The following ZNF155 variants were observed in gnomAD, a reference collection of about 807,000 sequenced individuals.
The protein encoded by ZNF155 is KRAB A domain.
In ZNF155, 15 loss-of-function variants were observed where a neutral mutation model predicts 11.9. The observed-to-expected ratio is 1.26, with a 90% CI of 0.84 to 1.94. The LOEUF (loss-of-function observed/expected upper bound fraction) is 1.94. ZNF155 is among the 30% of genes most tolerant of loss of function. ZNF155 has a pLI of 0.00. For missense variants in ZNF155, 602 were observed against 639.1 expected (o/e 0.94, Z 0.63); for synonymous variants, 212 against 219.9 (o/e 0.96, Z 0.32).
rs762298880 is a variant in ZNF155 at position 43,996,954 on chromosome 19, A to G, written c.1097A>G (p.His366Arg). 22 of 1,610,068 alleles carry G rather than the reference A, an allele frequency of 1.4e-5. No homozygotes were observed. In the South Asian group the frequency reaches 1.9e-4, roughly 14 times the overall value. The stretch of plus-strand genomic sequence containing the variant: ...GATTTTTATAAGCATCAGGTGGTCC[A>G]CACAGGAGAAAAACCATATAATTGT... ...RLDFYKHQVVHTGEKPYNCKE... is the reference protein window; with the variant it reads ...RLDFYKHQVVRTGEKPYNCKE... Residue 366 changes from histidine to arginine, a missense_variant, in exon 5 of 5, where the codon CAC becomes CGC. Transcript: ENST00000270014.
intron 2 of ZNF155, chr19:43,990,062 G>A (rs1040999678): frequency 8.6e-6 from 13 of 1,518,538 alleles, no homozygotes; most frequent in Non-Finnish European, 1.1e-5. Context: ...CCTGCTCTTG[G>A]TCATGATAAA....
Position 43,996,249 on chromosome 19 carries a change from C to G in ZNF155, c.392C>G (p.Pro131Arg). Residue 131 changes from proline to arginine, a missense_variant, in exon 5 of 5, where the codon CCC becomes CGC. Transcript: ENST00000270014. ...NSQFFENGDVPSQVEAGLPTI... is the reference protein window; with the variant it reads ...NSQFFENGDVRSQVEAGLPTI... ...CAGTTCTTTGAAAATGGTGATGTCCCCTCCCAGGTTGAAGCAGGACTACCC... is the reference window on the plus strand; with the variant it reads ...CAGTTCTTTGAAAATGGTGATGTCCGCTCCCAGGTTGAAGCAGGACTACCC... 3.7e-6 allele frequency: 6 copies of G among 1,614,140 alleles called. No homozygotes were observed. The highest frequency in any genetic ancestry group is 5.1e-6 in the Non-Finnish European group (6 of 1,180,010).
Position 43,996,976 on chromosome 19 carries a change from T to A in ZNF155, c.1119T>A (p.Asn373Lys), listed in dbSNP as rs755158813. 6.2e-7 allele frequency: 1 copy of A among 1,614,104 alleles called. No individual in the cohort carries two copies. The highest frequency in any genetic ancestry group is 1.1e-5 in the South Asian group (1 of 91,068). Residue 373 changes from asparagine (N) to lysine (K), a missense_variant, in exon 5 of 5, where the codon AAT (asparagine) becomes AAA (lysine). By Grantham distance (94) the Asn-to-Lys change is moderately conservative (BLOSUM62 0). Coordinates refer to ENST00000270014, the MANE Select transcript of ZNF155 (RefSeq NM_198089.3). ...TCCACACAGGAGAAAAACCATATAA[T>A]TGTAAAGAATGTGGGAAGAGCTTCA... Reference protein sequence around the residue: ...QVVHTGEKPYNCKECGKSFRW... With the variant: ...QVVHTGEKPYKCKECGKSFRW...
chr19:43,993,661 G>T (rs936831178), intron 4 of ZNF155, among the ~76,000 whole-genome samples: 6 of 152,102 alleles, frequency 3.9e-5, no homozygotes, highest in Non-Finnish European at 7.4e-5. Flanking sequence ...TGATCCACCC[G>T]CCTCGGCCTC....
chr19:43,993,586 G>T (rs1022658958), intron 4 of ZNF155, among the ~76,000 whole-genome samples: 16 of 152,046 alleles, frequency 1.1e-4, no homozygotes, highest in African/African-American at 3.9e-4. Flanking sequence ...GCTAATTTTT[G>T]TATTTTTAGT....
intron 2 of ZNF155, among the ~76,000 whole-genome samples, chr19:43,989,754 T>A: frequency 6.6e-6 from 1 of 152,206 alleles, no homozygotes; most frequent in East Asian, 1.9e-4. Flanking sequence ...TTTAAATCCC[T>A]TTTGGCAAAA....
intron 2 of ZNF155, chr19:43,988,806 C>T: frequency 2.6e-6 from 1 of 379,210 alleles, no homozygotes; most frequent in East Asian, 3.8e-5. Context: ...CTCCCACTTC[C>T]TTACCTCCCC....
rs1186770527 is a variant in ZNF155, at chr19:43,997,436, CT to C, written c.1580del (p.Leu527ArgfsTer9). 1 of 1,599,690 alleles carries C rather than the reference CT, an allele frequency of 6.3e-7. No individual in the cohort carries two copies. The highest frequency in any genetic ancestry group is 1.1e-5 in the South Asian group (1 of 88,904). ...GAGACGCTACAAGAGGCGCTTGAAT[CT>C]GGATATACTTTTATCATTATTTCTA... ...CGRRYKRRLN[L>X]DILLSLFLND... On this transcript the variant is annotated frameshift_variant, in exon 5 of 5. Transcript: ENST00000270014. LOFTEE classifies it high-confidence loss of function.
At chr19:43,993,137 G>A (rs1191014024) in intron 4 of ZNF155, among the ~76,000 whole-genome samples, 4 of 152,240 alleles carry the variant, frequency 2.6e-5, no homozygotes, top group Admixed American at 2.6e-4. Flanking sequence ...GAAGGGGGAA[G>A]AATGAGGATG....
chr19:43,998,237 C>T lies in ZNF155; in HGVS notation c.*763C>T, dbSNP rs1371028370. ...TCCCAGTCCATAAAAACCCCGGACC[C>T]CAGCCTCATACTGGGCAACTTATTT... On this transcript the variant is annotated 3_prime_UTR_variant, in exon 5 of 5. Coordinates refer to ENST00000270014, the MANE Select transcript of ZNF155 (RefSeq NM_198089.3). The T allele has an allele frequency of 2.0e-5, 3 of 152,198 alleles. No homozygotes were observed. The highest frequency in any genetic ancestry group is 4.4e-5 in the Non-Finnish European group (3 of 68,042). The allele number at this position is 152,198 out of a possible 1,614,324, so 9.4% of individuals were successfully genotyped here.
Position 43,997,550 on chromosome 19 carries a change from G to A in ZNF155, c.*76G>A, listed in dbSNP as rs991218085. On this transcript the variant is annotated 3_prime_UTR_variant, in exon 5 of 5. Coordinates refer to ENST00000270014, the MANE Select transcript of ZNF155 (RefSeq NM_198089.3). ...TTATAGTGATCCAATCAGTGTAATT[G>A]GTGTATCTGTTACCTCAAACATTTA... 4.1e-6 allele frequency: 5 copies of A among 1,217,880 alleles called. No individual in the cohort carries two copies. The African/African-American group carries it at 7.7e-5, about 19-fold the overall frequency. The allele number at this position is 1,217,880 out of a possible 1,614,324, so 75.4% of individuals were successfully genotyped here.
chr19:43,986,819 T>C (rs1354459136), intron 1 of ZNF155, among the ~76,000 whole-genome samples: 3 of 152,184 alleles, frequency 2.0e-5, no homozygotes, highest in Non-Finnish European at 4.4e-5. Flanking sequence ...ATTTCAAAGC[T>C]GTAGAAGAGT....
chr19:43,988,201 T>G (rs910802092), intron 1 of ZNF155, among the ~76,000 whole-genome samples: 6 of 152,222 alleles, frequency 3.9e-5, no homozygotes, highest in Non-Finnish European at 8.8e-5. Flanking sequence ...TTATCTATTC[T>G]GGATGGTTCA....
chr19:43,991,459 T>C, intron 2 of ZNF155, 89 bp from the exon 3 acceptor site: 4 of 1,595,564 alleles, frequency 2.5e-6, no homozygotes, highest in Non-Finnish European at 3.4e-6. Flanking sequence ...AGAACAACTT[T>C]CCACTCATCC....
At chr19:43,995,196 C>T (rs1050742466) in intron 4 of ZNF155, among the ~76,000 whole-genome samples, 3 of 151,946 alleles carry the variant, frequency 2.0e-5, no homozygotes, top group African/African-American at 7.2e-5. Flanking sequence ...ACTGCAACCT[C>T]TGCCTTCCAG....
intron 2 of ZNF155, among the ~76,000 whole-genome samples, chr19:43,989,280 AT>A (rs1489584008): frequency 1.3e-5 from 2 of 152,192 alleles, no homozygotes; most frequent in Admixed American, 1.3e-4. Flanking sequence ...CATGTGCTTT[AT>A]TTACTGGTCT....
At position 43,996,320 on chromosome 19, in the gene ZNF155, C is replaced by G; in HGVS notation, c.463C>G (p.Gln155Glu). Residue 155 changes from glutamine (Q) to glutamate (E), a missense_variant, in exon 5 of 5, where the codon CAG becomes GAG. Gln to Glu is a conservative substitution (Grantham distance 29). Transcript: ENST00000270014. ...QKPSQGGKCK[Q>E]SISDVPIFDL... is the part of the protein sequence containing the mutation. Reference sequence around the variant, plus strand: ...ACCTTCCCAGGGTGGGAAGTGTAAACAGTCCATCAGTGATGTTCCCATCTT... The same window carrying G: ...ACCTTCCCAGGGTGGGAAGTGTAAAGAGTCCATCAGTGATGTTCCCATCTT... 2 of 1,614,170 alleles carry G rather than the reference C, an allele frequency of 1.2e-6. No homozygotes were observed. The highest frequency in any genetic ancestry group is 1.7e-6 in the Non-Finnish European group (2 of 1,180,000).
intron 4 of ZNF155, among the ~76,000 whole-genome samples, chr19:43,994,962 A>T (rs1017791865): frequency 5.9e-5 from 9 of 152,040 alleles, no homozygotes; most frequent in Non-Finnish European, 1.5e-5. Context: ...TGCAACCATA[A>T]ATTATATTGT....
At chr19:43,990,625 A>G (rs572074963) in intron 2 of ZNF155, among the ~76,000 whole-genome samples, 1 of 152,296 alleles carries the variant, frequency 6.6e-6, no homozygotes, top group South Asian at 2.1e-4. Flanking sequence ...TGCAATTAAC[A>G]TTTGTGGTTT....
Sources: allele counts gnomAD v4.1 joint callset (sites outside exome capture counted in the v4.1 genomes callset), GRCh38; gene constraint gnomAD v4.1.1; transcripts MANE v1.5; gene names NCBI Gene and HGNC (gene_info 2026-07-23, HGNC 2026-07-21).